The following ASTN2 variants were observed in gnomAD, a reference collection of about 807,000 sequenced individuals.
ASTN2 encodes astrotactin 2.
In ASTN2, 54 loss-of-function variants were observed where a neutral mutation model predicts 139.8. The ratio of observed to expected loss-of-function variants is 0.39; its 90% confidence interval spans 0.31 to 0.48. The LOEUF (loss-of-function observed/expected upper bound fraction) is 0.48, where lower values mean the gene tolerates loss of function less well. ASTN2 is among the 20% of genes least tolerant of loss of function. ASTN2 has a pLI of 0.95. For synonymous variants in ASTN2, 756 were observed against 719.5 expected (o/e 1.05, Z -0.81); for missense variants, 1,565 against 1,725.1 (o/e 0.91, Z 1.64).
In ASTN2 at chr9:116,424,467, C is replaced by T. The variant is rs143153168; in HGVS notation, c.*1384G>A. Among the ~76,000 whole-genome samples the T allele has an allele frequency of 3.4e-3, 512 of 152,316 alleles. 1 individual carries two copies. The highest frequency in any genetic ancestry group is 0.011 in the African/African-American group (460 of 41,568). On this transcript the variant is annotated 3_prime_UTR_variant, in exon 23 of 23. Coordinates refer to ENST00000313400, the MANE Select transcript of ASTN2 (RefSeq NM_001365068.1). ...TCCAATGCCTTGCCAAGCTCCCAGC[C>T]TCACCTTTTAACACTTCCTATTTTG...
chr9:116,605,835 A>C (rs1855165221), intron 19 of ASTN2, among the ~76,000 whole-genome samples: 1 of 152,170 alleles, frequency 6.6e-6, no homozygotes, highest in African/African-American at 2.4e-5. Context: ...ACTGGAGGTA[A>C]TATGAACTAG....
chr9:117,225,425 T>C (rs1832672214), intron 2 of ASTN2, among the ~76,000 whole-genome samples: 1 of 150,894 alleles, frequency 6.6e-6, no homozygotes, highest in Non-Finnish European at 1.5e-5. Context: ...CATGAAAATA[T>C]ACAGATGGGC....
intron 1 of ASTN2, among the ~76,000 whole-genome samples, chr9:117,314,878 A>G (rs1278993225): frequency 6.8e-6 from 1 of 146,354 alleles, no homozygotes; most frequent in Non-Finnish European, 1.5e-5. Context: ...ATATATATGT[A>G]CAACTATTTA....
At position 116,698,391 on chromosome 9, in the gene ASTN2, A is replaced by G; in HGVS notation, c.2806+27380T>C. 6.2e-7 allele frequency: 1 copy of G among 1,614,124 alleles called. No homozygotes were observed. Among genetic ancestry groups the G allele is most frequent in the Non-Finnish European group, 8.5e-7 (1 of 1,180,024 alleles). On this transcript the variant is annotated intron_variant, in intron 16 of 22. Transcript: ENST00000313400. The surrounding 1 kb of genome is among the most constrained non-coding windows in gnomAD (Gnocchi z 4.4). ...CTCTTTGGCTGAAGTTGAGAAGTCC[A>G]ATAGTCAAGTGGTAGAGGAGCAGAG...
At chr9:116,873,455 T>G (rs1833216046) in intron 10 of ASTN2, among the ~76,000 whole-genome samples, 1 of 152,204 alleles carries the variant, frequency 6.6e-6, no homozygotes, top group South Asian at 2.1e-4. Context: ...CATGGCCATT[T>G]TCCTGGGATA....
At chr9:117,251,884 C>A (rs1456803166) in intron 2 of ASTN2, among the ~76,000 whole-genome samples, 5 of 152,158 alleles carry the variant, frequency 3.3e-5, no homozygotes, top group Non-Finnish European at 7.3e-5. Flanking sequence ...AAGCCTCAGG[C>A]AGACTATCAG....
At chr9:116,886,970 A>G (rs563402192) in intron 10 of ASTN2, among the ~76,000 whole-genome samples, 3 of 152,260 alleles carry the variant, frequency 2.0e-5, no homozygotes, top group South Asian at 4.1e-4. Context: ...CCTTCTTGAT[A>G]AGATCATCAT....
intron 3 of ASTN2, among the ~76,000 whole-genome samples, chr9:117,213,134 AC>A (rs1474566716): frequency 6.6e-6 from 1 of 152,170 alleles, no homozygotes; most frequent in African/African-American, 2.4e-5. Context: ...ATTTATGGCG[AC>A]CTTGATGGAA....
chr9:116,796,989 CTT>C (rs71300675), intron 13 of ASTN2, among the ~76,000 whole-genome samples: 5 of 145,478 alleles, frequency 3.4e-5, no homozygotes, highest in Non-Finnish European at 1.5e-5. Flanking sequence ...CTTAATTTTT[CTT>C]TTTTTTTTTT....
intron 19 of ASTN2, among the ~76,000 whole-genome samples, chr9:116,591,604 T>C (rs1854380426): frequency 6.6e-6 from 1 of 152,164 alleles, no homozygotes; most frequent in South Asian, 2.1e-4. Context: ...ATGGATCCTG[T>C]AGTGTGATAA....
chr9:116,773,530 C>A (rs1193160097), intron 13 of ASTN2, among the ~76,000 whole-genome samples: 1 of 152,074 alleles, frequency 6.6e-6, no homozygotes, highest in African/African-American at 2.4e-5. Flanking sequence ...GAACCTCACA[C>A]AAAGATGGGC....
chr9:116,672,071 A>G lies in ASTN2; in HGVS notation c.2807-20278T>C, dbSNP rs1400971530. ...GTAACATAAATACATAAAATTTTATATTATTTCATAAAAATTCTAGTGCTG... is the reference window on the plus strand; with the variant it reads ...GTAACATAAATACATAAAATTTTATGTTATTTCATAAAAATTCTAGTGCTG... On this transcript the variant is annotated intron_variant, in intron 16 of 22. Transcript: ENST00000313400. Among the ~76,000 whole-genome samples, 4 of 152,174 alleles carry G rather than the reference A, an allele frequency of 2.6e-5. No homozygotes were observed. The East Asian group carries it at 7.7e-4, about 29-fold the overall frequency.
chr9:116,927,216 C>T (rs1429815087), intron 10 of ASTN2, among the ~76,000 whole-genome samples: 2 of 152,070 alleles, frequency 1.3e-5, no homozygotes, highest in African/African-American at 4.8e-5. Context: ...GGGTGGTCTC[C>T]ACCACCTCCC....
intron 1 of ASTN2, among the ~76,000 whole-genome samples, chr9:117,406,343 A>G (rs1830987892): frequency 6.6e-6 from 1 of 152,214 alleles, no homozygotes; most frequent in African/African-American, 2.4e-5. Context: ...CTTTTGAAAC[A>G]TAAGTCAGAC....
At chr9:116,744,892 C>T (rs1341093201) in intron 13 of ASTN2, among the ~76,000 whole-genome samples, 1 of 152,206 alleles carries the variant, frequency 6.6e-6, no homozygotes, top group Non-Finnish European at 1.5e-5. Context: ...GTGAGACCCA[C>T]AGGAAGATGG....
chr9:116,739,325 G>T (rs1018645757), intron 13 of ASTN2, among the ~76,000 whole-genome samples: 1 of 152,130 alleles, frequency 6.6e-6, no homozygotes, highest in Admixed American at 6.5e-5. Flanking sequence ...TCATTATCTA[G>T]ACCCTGCCTA....
chr9:116,731,210 A>G (rs1029471768), intron 14 of ASTN2, among the ~76,000 whole-genome samples: 31 of 144,434 alleles, frequency 2.1e-4, no homozygotes, highest in African/African-American at 7.6e-4. Context: ...TAATAATAAT[A>G]ATAATAATAA....
Position 116,805,832 on chromosome 9 carries a change from A to C in ASTN2, c.2208-12T>G. 1 of 1,611,564 alleles carries C rather than the reference A, an allele frequency of 6.2e-7. No individual in the cohort carries two copies. Among genetic ancestry groups the C allele is most frequent in the Non-Finnish European group, 8.5e-7 (1 of 1,178,478 alleles). ...ACTCCTCCACGCAACTGTATGATAA[A>C]ACAGAGCTCAGAATTAGCTTCACAT... On this transcript the variant is annotated splice_polypyrimidine_tract_variant and intron_variant, in intron 12 of 22. Coordinates refer to ENST00000313400, the MANE Select transcript of ASTN2 (RefSeq NM_001365068.1).
chr9:117,038,486 C>T (rs939954656), intron 6 of ASTN2, among the ~76,000 whole-genome samples: 7 of 151,916 alleles, frequency 4.6e-5, no homozygotes, highest in Middle Eastern at 3.4e-3. Context: ...GTCCTTATCA[C>T]AAAAAAATTA....
Sources: allele counts gnomAD v4.1 joint callset (sites outside exome capture counted in the v4.1 genomes callset), GRCh38; gene constraint gnomAD v4.1.1; non-coding constraint Gnocchi (gnomAD v3.1); transcripts MANE v1.5; gene names NCBI Gene and HGNC (gene_info 2026-07-23, HGNC 2026-07-21).